The following GRIA1 variants were observed in gnomAD, a reference collection of about 807,000 sequenced individuals.
GRIA1 encodes the protein glutamate ionotropic receptor AMPA type subunit 1.
In GRIA1, 31 loss-of-function variants were observed where a neutral mutation model predicts 99.2. The observed-to-expected ratio is 0.31, with a 90% confidence interval of 0.23 to 0.42. The LOEUF (loss-of-function observed/expected upper bound fraction) is 0.42. Ranked by LOEUF, GRIA1 falls within the 10% of genes least tolerant of loss-of-function variation. The pLI is 1.00. For missense variants in GRIA1, 782 were observed against 1,157.5 expected (o/e 0.68, Z 4.71); for synonymous variants, 438 against 432.4 (o/e 1.01, Z -0.16).
chr5:153,746,394 G>A (rs1187461163), intron 11 of GRIA1, among the ~76,000 whole-genome samples: 2 of 152,146 alleles, frequency 1.3e-5, no homozygotes, highest in Non-Finnish European at 2.9e-5. Context: ...GCCTTGTGCT[G>A]GAGTTAACAA....
intron 10 of GRIA1, among the ~76,000 whole-genome samples, chr5:153,701,343 G>A (rs113246796): frequency 2.5e-3 from 377 of 152,116 alleles, no homozygotes; most frequent in African/African-American, 8.0e-3. Context: ...GACCAGGTGC[G>A]GTGGCTCATG....
rs1412848710 is a variant in GRIA1, at chr5:153,811,037, A to C, written c.2533A>C (p.Ile845Leu). Reference protein sequence around the residue: ...ESKRMKGFCLIPQQSINEAIR... With the variant: ...ESKRMKGFCLLPQQSINEAIR... ...TCCTCCTGAAAAGGGTTTTTGTTTG[A>C]TCCCACAGCAATCCATCAACGAAGC... Residue 845 changes from isoleucine (I) to leucine (L), a missense_variant, in exon 16 of 16, where the codon ATC (isoleucine) becomes CTC (leucine). This residue lies in a region of GRIA1 where 119 missense variants were observed against 326.6 expected (regional missense o/e 0.36). Coordinates refer to ENST00000285900, the MANE Select transcript of GRIA1 (RefSeq NM_000827.4). The C allele has an allele frequency of 6.2e-7, 1 of 1,613,816 alleles. No individual in the cohort carries two copies. Among genetic ancestry groups the C allele is most frequent in the African/African-American group, 1.3e-5 (1 of 74,888 alleles).
At chr5:153,641,971 A>G (rs1363672) in intron 2 of GRIA1, among the ~76,000 whole-genome samples, 62,997 of 152,138 alleles carry the variant, frequency 0.41, 14,040 homozygotes, top group Non-Finnish European at 0.5. Flanking sequence ...GTCTTCACAA[A>G]TGCCAGATAC....
At chr5:153,716,089 G>T (rs1191407372) in intron 11 of GRIA1, among the ~76,000 whole-genome samples, 1 of 152,212 alleles carries the variant, frequency 6.6e-6, no homozygotes, top group Non-Finnish European at 1.5e-5. Flanking sequence ...TGATCTCTTT[G>T]CTGGAAAAAT....
chr5:153,562,476 A>G (rs926144423), intron 2 of GRIA1, among the ~76,000 whole-genome samples: 4 of 152,174 alleles, frequency 2.6e-5, no homozygotes, highest in African/African-American at 9.7e-5. Flanking sequence ...GTCTTGCAAG[A>G]TGCATTCTCT....
At chr5:153,542,755 T>C (rs1759244029) in intron 2 of GRIA1, among the ~76,000 whole-genome samples, 2 of 152,208 alleles carry the variant, frequency 1.3e-5, no homozygotes, top group South Asian at 4.1e-4. Flanking sequence ...TCCTAGAAGA[T>C]TTCCTTAACC....
intron 2 of GRIA1, among the ~76,000 whole-genome samples, chr5:153,549,966 T>G (rs371817268): frequency 6.6e-6 from 1 of 152,160 alleles, no homozygotes; most frequent in Non-Finnish European, 1.5e-5. Context: ...TCGCTTACTA[T>G]CGGTATGAAA....
chr5:153,811,262 G>A lies in GRIA1; in HGVS notation c.*37G>A. 6.6e-7 allele frequency: 1 copy of A among 1,520,820 alleles called. No individual in the cohort carries two copies. The highest frequency in any genetic ancestry group is 9.1e-7 in the Non-Finnish European group (1 of 1,096,292). 94.2% of individuals were successfully genotyped at this position (1,520,820 alleles called of 1,614,324 possible). On this transcript the variant is annotated 3_prime_UTR_variant, in exon 16 of 16. Transcript: ENST00000285900. ...GGAGACCCCTTGGGGAGCAGGCTCG[G>A]GCTCCCCAGCCCCATCCCAAACCCT...
At chr5:153,701,916 G>A (rs1342431002) in intron 10 of GRIA1, among the ~76,000 whole-genome samples, 1 of 152,136 alleles carries the variant, frequency 6.6e-6, no homozygotes, top group African/African-American at 2.4e-5. Context: ...ACATTTCATC[G>A]TGTAGCGTGT....
chr5:153,745,921 A>C (rs1362423752), intron 11 of GRIA1, among the ~76,000 whole-genome samples: 1 of 151,908 alleles, frequency 6.6e-6, no homozygotes, highest in Non-Finnish European at 1.5e-5. Context: ...AACTGCTTCT[A>C]CCAGGTATCT....
intron 1 of GRIA1, chr5:153,491,288 G>A (rs1228067232): frequency 7.8e-7 from 1 of 1,278,634 alleles, no homozygotes; most frequent in Non-Finnish European, 9.9e-7. Flanking sequence ...TGTTTAAGGA[G>A]TTAACTCTAT....
chr5:153,710,772 T>TTC (rs1039853138), intron 11 of GRIA1, among the ~76,000 whole-genome samples: 1 of 152,204 alleles, frequency 6.6e-6, no homozygotes, highest in African/African-American at 2.4e-5. Context: ...CAGGAGCCTT[T>TTC]GCTTCAAGGA....
At chr5:153,736,932 A>T (rs1581568522) in intron 11 of GRIA1, among the ~76,000 whole-genome samples, 1 of 152,328 alleles carries the variant, frequency 6.6e-6, no homozygotes, top group Non-Finnish European at 1.5e-5. Flanking sequence ...AAACTAAGAT[A>T]GATCCTGCAA....
intron 2 of GRIA1, among the ~76,000 whole-genome samples, chr5:153,544,924 G>T (rs547055784): frequency 5.3e-4 from 80 of 152,250 alleles, no homozygotes; most frequent in African/African-American, 1.8e-3. Context: ...TGGATTCTGT[G>T]GTCTTAGTTC....
chr5:153,652,760 T>C (rs911832685), intron 4 of GRIA1, among the ~76,000 whole-genome samples: 1 of 152,252 alleles, frequency 6.6e-6, no homozygotes, highest in Admixed American at 6.5e-5. Flanking sequence ...TCTTTGCTTA[T>C]GCTTACATTT....
chr5:153,744,114 T>C (rs1232728905), intron 11 of GRIA1, among the ~76,000 whole-genome samples: 2 of 152,056 alleles, frequency 1.3e-5, no homozygotes, highest in Non-Finnish European at 2.9e-5. Context: ...GCCGGCTGTG[T>C]CTCCAATTAT....
In GRIA1 at chr5:153,608,670, T is replaced by C. The variant is rs1182560137; in HGVS notation, c.221-38258T>C. Among the ~76,000 whole-genome samples, 3 of 152,346 alleles carry C rather than the reference T, an allele frequency of 2.0e-5. No homozygotes were observed. The East Asian group carries it at 5.8e-4, about 29-fold the overall frequency. On this transcript the variant is annotated intron_variant, in intron 2 of 15. Coordinates refer to ENST00000285900, the MANE Select transcript of GRIA1 (RefSeq NM_000827.4). The stretch of plus-strand genomic sequence containing the variant: ...TCTCCTGGGAGATAGTAAGCATAGT[T>C]GATTATGAAATTTATGTCTGTAATG...
intron 11 of GRIA1, among the ~76,000 whole-genome samples, chr5:153,760,513 A>G (rs1017810477): frequency 1.3e-5 from 2 of 152,138 alleles, no homozygotes; most frequent in Non-Finnish European, 2.9e-5. Flanking sequence ...AACATTGATG[A>G]AAGAAATTTA....
At chr5:153,772,975 G>A (rs933277230) in intron 13 of GRIA1, among the ~76,000 whole-genome samples, 6 of 152,032 alleles carry the variant, frequency 3.9e-5, no homozygotes, top group Non-Finnish European at 8.8e-5. Flanking sequence ...CCCACACATA[G>A]TTTCCTGGAA....
Sources: gnomAD v4.1 joint callset for allele counts (sites outside exome capture counted in the v4.1 genomes callset) on GRCh38, gnomAD v4.1.1 for gene constraint, gnomAD v4.1.1 regional missense constraint, MANE v1.5 for transcripts, NCBI Gene and HGNC (gene_info 2026-07-23, HGNC 2026-07-21) for gene names.